LRRTM3: variants seen among roughly 807,000 people sequenced by gnomAD.
LRRTM3 encodes the protein leucine rich repeat transmembrane neuronal 3.
A neutral mutation model predicts 44.7 loss-of-function variants in LRRTM3; 24 were observed. The ratio of observed to expected loss-of-function variants is 0.54; its 90% CI spans 0.39 to 0.76. The LOEUF (loss-of-function observed/expected upper bound fraction) is 0.76. Among genes scored for constraint, LRRTM3 ranks in the 30% least tolerant of loss-of-function variants. The probability of loss-of-function intolerance (pLI) is 0.00; values close to 1 mark genes in which losing one functional copy is unlikely to be tolerated. For missense variants in LRRTM3, 587 were observed against 702.2 expected, an observed-to-expected ratio of 0.84 and a Z score of 1.85; for synonymous variants, 277 against 278.7, an observed-to-expected ratio of 0.99 and a Z score of 0.06.
intron 2 of LRRTM3, among the ~76,000 whole-genome samples, chr10:66,931,636 T>A (rs1847400629): frequency 6.6e-6 from 1 of 152,226 alleles, no homozygotes; most frequent in South Asian, 2.1e-4. Context: ...GTTTACAACA[T>A]GTTTTTTGAC....
At chr10:67,091,193 G>A (rs1857610081) in intron 2 of LRRTM3, among the ~76,000 whole-genome samples, 1 of 151,920 alleles carries the variant, frequency 6.6e-6, no homozygotes, top group Non-Finnish European at 1.5e-5. Context: ...AAAACCCAAA[G>A]CTAGTTATGA....
intron 2 of LRRTM3, among the ~76,000 whole-genome samples, chr10:67,073,628 G>T (rs985339491): frequency 6.6e-6 from 1 of 151,554 alleles, no homozygotes; most frequent in Non-Finnish European, 1.5e-5. Context: ...GGAAAAAAAC[G>T]AGAGAATCAC....
chr10:66,938,856 G>A lies in LRRTM3; in HGVS notation c.1536+10404G>A, dbSNP rs150629224. On this transcript the variant is annotated intron_variant, in intron 2 of 2. Coordinates refer to ENST00000361320, the MANE Select transcript of LRRTM3 (RefSeq NM_178011.5). The stretch of plus-strand genomic sequence containing the variant: ...AGAAATAATATTTAAGTCTAGCTGC[G>A]AATACACCTTCATTTTTGTAGAGGC... Among the ~76,000 whole-genome samples, 891 of 152,234 alleles carry A rather than the reference G, an allele frequency of 5.9e-3. 6 individuals are homozygous for A. The highest frequency in any genetic ancestry group is 9.2e-3 in the Non-Finnish European group (623 of 68,000).
chr10:66,992,476 T>C (rs1315804245), intron 2 of LRRTM3, among the ~76,000 whole-genome samples: 4 of 152,084 alleles, frequency 2.6e-5, no homozygotes, highest in Admixed American at 6.6e-5. Flanking sequence ...TAAAAAATTC[T>C]TTGTCAGTTC....
At chr10:66,967,991 T>A (rs974259624) in intron 2 of LRRTM3, among the ~76,000 whole-genome samples, 1 of 152,214 alleles carries the variant, frequency 6.6e-6, no homozygotes, top group African/African-American at 2.4e-5. Flanking sequence ...ATTGGATTTG[T>A]CCTCTTTATA....
chr10:67,056,652 A>G (rs1855450177), intron 2 of LRRTM3, among the ~76,000 whole-genome samples: 1 of 152,180 alleles, frequency 6.6e-6, no homozygotes, highest in African/African-American at 2.4e-5. Context: ...CGACAGAAAA[A>G]TAAACACAAA....
chr10:66,932,435 G>A (rs1253085792), intron 2 of LRRTM3, among the ~76,000 whole-genome samples: 4 of 152,140 alleles, frequency 2.6e-5, no homozygotes, highest in Non-Finnish European at 5.9e-5. Flanking sequence ...CGAGCCATGA[G>A]AAATAAAAAA....
At chr10:67,045,956 C>A (rs528525339) in intron 2 of LRRTM3, among the ~76,000 whole-genome samples, 2 of 152,160 alleles carry the variant, frequency 1.3e-5, no homozygotes, top group South Asian at 4.1e-4. Flanking sequence ...TTCTTTTTTT[C>A]TCTCTTAAGT....
At chr10:67,026,943 G>T (rs776749472) in intron 2 of LRRTM3, among the ~76,000 whole-genome samples, 1 of 152,188 alleles carries the variant, frequency 6.6e-6, no homozygotes, top group Non-Finnish European at 1.5e-5. Flanking sequence ...GAGGGATCAT[G>T]CCTTCTTTAT....
chr10:66,957,594 G>C (rs1848893196), intron 2 of LRRTM3, among the ~76,000 whole-genome samples: 1 of 151,742 alleles, frequency 6.6e-6, no homozygotes, highest in African/African-American at 2.4e-5. Flanking sequence ...AGCTGTGCCA[G>C]TCTGGATTCT....
intron 2 of LRRTM3, among the ~76,000 whole-genome samples, chr10:66,959,233 C>T (rs1848991306): frequency 6.6e-6 from 1 of 152,118 alleles, no homozygotes; most frequent in Non-Finnish European, 1.5e-5. Context: ...AAACCTCTTC[C>T]TCTCTATAGA....
intron 2 of LRRTM3, among the ~76,000 whole-genome samples, chr10:66,937,122 T>A (rs1847751728): frequency 6.6e-6 from 1 of 152,046 alleles, no homozygotes; most frequent in African/African-American, 2.4e-5. Flanking sequence ...TTATACAAAG[T>A]CTTTCTCCTT....
At position 66,927,458 on chromosome 10, in the gene LRRTM3, G is replaced by A; in HGVS notation, c.542G>A (p.Arg181His). The change falls in exon 2 of 3, where the codon CGC becomes CAC. Residue 181 changes from arginine to histidine, a missense_variant. By Grantham distance (29) the Arg-to-His change is conservative. Around this residue, in one of 3 missense-constraint regions of LRRTM3, gnomAD observed 222 missense variants for 323.3 expected, o/e 0.69. Coordinates refer to ENST00000361320, the MANE Select transcript of LRRTM3 (RefSeq NM_178011.5). This position sits in a 1 kb window ranked among gnomAD's most constrained non-coding sequence, Gnocchi z 4.7. The stretch of plus-strand genomic sequence containing the variant: ...CCTGTGCGAATATTCCAAGACTGCC[G>A]CAACCTGGAACTTTTGGACCTGGGA... ...TIPVRIFQDC[R>H]NLELLDLGYN... 3.1e-6 allele frequency: 5 copies of A among 1,614,070 alleles called. No homozygotes were observed. Among genetic ancestry groups the A allele is most frequent in the Non-Finnish European group, 4.2e-6 (5 of 1,180,018 alleles).
At position 67,057,551 on chromosome 10, in the gene LRRTM3, A is replaced by G. The variant is rs140006193; in HGVS notation, c.1537-40036A>G. 1.4e-3 allele frequency among the ~76,000 whole-genome samples: 216 copies of G among 152,260 alleles called. 4 individuals carry two copies. The highest frequency in any genetic ancestry group is 0.01 in the Admixed American group (158 of 15,282). Reference sequence around the variant, plus strand: ...CTGTGTCTGGCTTATTTCACTTAGTATAATGTCTTCTAGGTTTATCCATGT... The same window carrying G: ...CTGTGTCTGGCTTATTTCACTTAGTGTAATGTCTTCTAGGTTTATCCATGT... On this transcript the variant is annotated intron_variant, in intron 2 of 2. Transcript: ENST00000361320.
chr10:67,004,748 T>C (rs1299321113), intron 2 of LRRTM3, among the ~76,000 whole-genome samples: 1 of 152,238 alleles, frequency 6.6e-6, no homozygotes, highest in East Asian at 1.9e-4. Flanking sequence ...ATGTCAATTA[T>C]TTGCTATTCA....
intron 2 of LRRTM3, among the ~76,000 whole-genome samples, chr10:67,061,142 T>C (rs2133219480): frequency 6.6e-6 from 1 of 152,160 alleles, no homozygotes; most frequent in Admixed American, 6.5e-5. Context: ...TAGTGAAAAA[T>C]AACAGAGCTT....
intron 2 of LRRTM3, among the ~76,000 whole-genome samples, chr10:67,040,255 A>G (rs1268029697): frequency 6.6e-6 from 1 of 152,062 alleles, no homozygotes; most frequent in Non-Finnish European, 1.5e-5. Flanking sequence ...ATGTGATCCT[A>G]AGGGTTCCAG....
intron 2 of LRRTM3, among the ~76,000 whole-genome samples, chr10:67,076,784 T>C (rs78891408): frequency 0.011 from 1,719 of 152,256 alleles, 38 homozygotes; most frequent in African/African-American, 0.039. Flanking sequence ...TCAAAAGCAA[T>C]GTTCAACTTA....
chr10:67,082,521 A>G (rs1331035224), intron 2 of LRRTM3, among the ~76,000 whole-genome samples: 1 of 152,194 alleles, frequency 6.6e-6, no homozygotes, highest in Admixed American at 6.5e-5. Flanking sequence ...TGCATTTACT[A>G]TAGTAAGAAG....
Sources: gnomAD v4.1 joint callset for allele counts (sites outside exome capture counted in the v4.1 genomes callset) on GRCh38, gnomAD v4.1.1 for gene constraint, gnomAD v4.1.1 regional missense constraint, Gnocchi (gnomAD v3.1) non-coding constraint, MANE v1.5 for transcripts, NCBI Gene and HGNC (gene_info 2026-07-23, HGNC 2026-07-21) for gene names.